The following CTXND2 variants were observed in gnomAD, a reference collection of about 807,000 sequenced individuals.
CTXND2 encodes cortexin domain containing 2.
intron 1 of CTXND2, among the ~76,000 whole-genome samples, chr1:150,911,915 G>T (rs372340537): frequency 6.6e-6 from 1 of 152,198 alleles, no homozygotes; most frequent in African/African-American, 2.4e-5. Context: ...AGTAATCTTA[G>T]AGGAGGATTT....
chr1:150,899,221 A>G (rs1668959847), intron 1 of CTXND2, among the ~76,000 whole-genome samples: 2 of 152,146 alleles, frequency 1.3e-5, no homozygotes, highest in Non-Finnish European at 2.9e-5. Flanking sequence ...TGAGAGGATC[A>G]CTTGAGGCCA....
intron 1 of CTXND2, among the ~76,000 whole-genome samples, chr1:150,901,940 A>T (rs1235185590): frequency 6.6e-6 from 1 of 151,322 alleles, no homozygotes; most frequent in African/African-American, 2.4e-5. Context: ...AAAAAAAATA[A>T]ATTCAATGGG....
chr1:150,902,156 C>T (rs1008995646), intron 1 of CTXND2, among the ~76,000 whole-genome samples: 2 of 151,660 alleles, frequency 1.3e-5, no homozygotes, highest in Admixed American at 1.3e-4. Flanking sequence ...AATCCCAGCA[C>T]TTTGGGGGGC....
chr1:150,894,738 T>C (rs1668891569), intron 1 of CTXND2, among the ~76,000 whole-genome samples: 1 of 152,106 alleles, frequency 6.6e-6, no homozygotes, highest in Non-Finnish European at 1.5e-5. Context: ...TCTCTATCCT[T>C]AATAATGCTT....
At chr1:150,904,646 G>T (rs1479811550) in intron 1 of CTXND2, among the ~76,000 whole-genome samples, 1 of 152,080 alleles carries the variant, frequency 6.6e-6, no homozygotes, top group African/African-American at 2.4e-5. Flanking sequence ...TAAAGGCAAG[G>T]GTTGAAGATA....
At chr1:150,890,793 G>A (rs181396681) in intron 1 of CTXND2, among the ~76,000 whole-genome samples, 8 of 152,150 alleles carry the variant, frequency 5.3e-5, no homozygotes, top group Non-Finnish European at 7.4e-5. Context: ...GAGAGCCACC[G>A]CGCCTGGCCC....
chr1:150,894,954 G>A (rs1668896593), intron 1 of CTXND2, among the ~76,000 whole-genome samples: 1 of 151,922 alleles, frequency 6.6e-6, no homozygotes, highest in South Asian at 2.1e-4. Flanking sequence ...AGAATTGCTT[G>A]AACCAGGAGG....
intron 1 of CTXND2, among the ~76,000 whole-genome samples, chr1:150,907,488 T>C (rs1571605682): frequency 1.3e-5 from 2 of 152,322 alleles, no homozygotes; most frequent in Admixed American, 1.3e-4. Context: ...CCAAGTAGTA[T>C]GTACTTCCTT....
intron 1 of CTXND2, among the ~76,000 whole-genome samples, chr1:150,907,368 T>C (rs1288436399): frequency 6.6e-6 from 1 of 152,226 alleles, no homozygotes; most frequent in Non-Finnish European, 1.5e-5. Flanking sequence ...ACCACTAATC[T>C]GTCTCTATAG....
intron 1 of CTXND2, among the ~76,000 whole-genome samples, chr1:150,893,172 G>A (rs1348128171): frequency 6.6e-6 from 1 of 151,940 alleles, no homozygotes; most frequent in East Asian, 1.9e-4. Flanking sequence ...GTGTGTTGCT[G>A]GTATTTAGAA....
At chr1:150,900,335 T>G (rs1464421737) in intron 1 of CTXND2, among the ~76,000 whole-genome samples, 1 of 150,254 alleles carries the variant, frequency 6.7e-6, no homozygotes, top group African/African-American at 2.5e-5. Flanking sequence ...ACTCCTAAAG[T>G]CAAGCAAGAC....
intron 1 of CTXND2, among the ~76,000 whole-genome samples, chr1:150,900,710 T>G (rs750878025): frequency 3.3e-5 from 5 of 152,102 alleles, no homozygotes; most frequent in African/African-American, 7.2e-5. Flanking sequence ...ATATTATATA[T>G]GAAGGGGTAA....
At chr1:150,889,392 T>A (rs1283269896) in intron 1 of CTXND2, among the ~76,000 whole-genome samples, 1 of 144,884 alleles carries the variant, frequency 6.9e-6, no homozygotes, top group African/African-American at 2.7e-5. Flanking sequence ...ACAGCAAGAC[T>A]CTGTCTCAAA....
At chr1:150,901,934 A>T (rs865964763) in intron 1 of CTXND2, among the ~76,000 whole-genome samples, 90 of 151,846 alleles carry the variant, frequency 5.9e-4, no homozygotes, top group Middle Eastern at 3.4e-3. Flanking sequence ...TAAAAAAAAA[A>T]AAATAAATTC....
chr1:150,889,422 C>A (rs925390609), intron 1 of CTXND2, among the ~76,000 whole-genome samples: 1 of 151,304 alleles, frequency 6.6e-6, no homozygotes, highest in Admixed American at 6.6e-5. Flanking sequence ...AAAAGCAACT[C>A]CTAAAATAAA....
At chr1:150,906,683 T>TC (rs1669151964) in intron 1 of CTXND2, among the ~76,000 whole-genome samples, 1 of 152,114 alleles carries the variant, frequency 6.6e-6, no homozygotes, top group Non-Finnish European at 1.5e-5. Flanking sequence ...GGTTTATAGG[T>TC]ACCTTGGCAG....
intron 1 of CTXND2, among the ~76,000 whole-genome samples, chr1:150,894,363 G>T (rs1022111786): frequency 6.6e-6 from 1 of 152,150 alleles, no homozygotes; most frequent in Admixed American, 6.5e-5. Context: ...TAGGGCACAA[G>T]ATTTTATAGA....
chr1:150,911,206 C>T (rs1669250731), intron 1 of CTXND2, among the ~76,000 whole-genome samples: 1 of 151,896 alleles, frequency 6.6e-6, no homozygotes, highest in Non-Finnish European at 1.5e-5. Flanking sequence ...CCTCGGCCTC[C>T]CAAAGTGCTG....
At chr1:150,899,871 A>G (rs955764614) in intron 1 of CTXND2, among the ~76,000 whole-genome samples, 1 of 152,188 alleles carries the variant, frequency 6.6e-6, no homozygotes, top group Non-Finnish European at 1.5e-5. Context: ...GGGGACTTGG[A>G]GAACTTTTCT....
Sources: gnomAD v4.1 joint callset for allele counts (sites outside exome capture counted in the v4.1 genomes callset) on GRCh38, gnomAD v4.1.1 for gene constraint, MANE v1.5 for transcripts, NCBI Gene and HGNC (gene_info 2026-07-23, HGNC 2026-07-21) for gene names.